POLR3B: variants seen among roughly 807,000 people sequenced by gnomAD.
POLR3B encodes DNA-directed RNA polymerase III subunit RPC2.
Under a neutral mutation model 147.4 loss-of-function variants are expected in POLR3B, and 96 were observed. That is an observed-to-expected ratio of 0.65 (90% CI 0.55 to 0.77). POLR3B has a LOEUF of 0.77. Among genes scored for constraint, POLR3B ranks in the 30% least tolerant of loss-of-function variants. The pLI, the probability that POLR3B is intolerant of heterozygous loss-of-function variation, is 0.00. For synonymous variants in POLR3B, 461 were observed against 485.9 expected (o/e 0.95, Z 0.67); for missense variants, 1,036 against 1,413.5 (o/e 0.73, Z 4.28).
chr12:106,416,110 T>C (rs549429597), intron 12 of POLR3B, among the ~76,000 whole-genome samples: 2 of 152,306 alleles, frequency 1.3e-5, no homozygotes, highest in African/African-American at 2.4e-5. Context: ...GAAGAAGTTA[T>C]ATAAAGGTGT....
At chr12:106,447,754 A>G (rs530742856) in intron 19 of POLR3B, among the ~76,000 whole-genome samples, 1 of 152,254 alleles carries the variant, frequency 6.6e-6, no homozygotes, top group Non-Finnish European at 1.5e-5. Flanking sequence ...ATTAATGAAT[A>G]TGCAGCACAG....
intron 6 of POLR3B, among the ~76,000 whole-genome samples, chr12:106,372,631 A>G (rs1474415784): frequency 5.3e-5 from 8 of 151,964 alleles, no homozygotes; most frequent in Non-Finnish European, 1.2e-4. Flanking sequence ...ACGAACTACC[A>G]TGCGTGGCCA....
chr12:106,399,999 T>C (rs2136924611), intron 10 of POLR3B, among the ~76,000 whole-genome samples: 1 of 152,348 alleles, frequency 6.6e-6, no homozygotes, highest in South Asian at 2.1e-4. Context: ...ACTTTGAATG[T>C]AAATGGGCTA....
At chr12:106,422,801 C>A (rs569800164) in intron 12 of POLR3B, among the ~76,000 whole-genome samples, 1 of 152,194 alleles carries the variant, frequency 6.6e-6, no homozygotes, top group African/African-American at 2.4e-5. Flanking sequence ...CTTAGCTTTT[C>A]CATATAAATT....
intron 10 of POLR3B, among the ~76,000 whole-genome samples, chr12:106,401,500 C>G (rs1456804771): frequency 6.6e-6 from 1 of 151,936 alleles, no homozygotes; most frequent in Non-Finnish European, 1.5e-5. Context: ...CCTGGCAGAG[C>G]CAAAACAAAA....
chr12:106,432,609 G>A, intron 15 of POLR3B, 129 bp downstream of exon 15: 1 of 807,850 alleles, frequency 1.2e-6, no homozygotes, highest in Non-Finnish European at 2.2e-6. Flanking sequence ...TCACTTAAAG[G>A]TAGAAAATAC....
chr12:106,470,324 C>T (rs2038072648), intron 23 of POLR3B, among the ~76,000 whole-genome samples: 1 of 152,124 alleles, frequency 6.6e-6, no homozygotes, highest in African/African-American at 2.4e-5. Flanking sequence ...CTCTTCTCTA[C>T]ACTGATTGTT....
At chr12:106,449,389 C>T (rs1191434470) in intron 19 of POLR3B, among the ~76,000 whole-genome samples, 3 of 152,054 alleles carry the variant, frequency 2.0e-5, no homozygotes, top group Non-Finnish European at 4.4e-5. Flanking sequence ...GCAGTTGACT[C>T]TTGAACAACA....
At chr12:106,442,616 A>G (rs561413693) in intron 18 of POLR3B, among the ~76,000 whole-genome samples, 1 of 152,256 alleles carries the variant, frequency 6.6e-6, no homozygotes, top group African/African-American at 2.4e-5. Flanking sequence ...ACATAATTTA[A>G]TACATGTGTT....
chr12:106,500,232 C>G (rs938802076), intron 25 of POLR3B: 4 of 453,274 alleles, frequency 8.8e-6, no homozygotes, highest in African/African-American at 8.0e-5. Context: ...TTTAAGACAT[C>G]AGTTCTCTGG....
intron 7 of POLR3B, among the ~76,000 whole-genome samples, chr12:106,377,106 T>A (rs2036692031): frequency 6.6e-6 from 1 of 152,218 alleles, no homozygotes. Flanking sequence ...AAATCAAGTA[T>A]CACACTTCAG....
chr12:106,358,293 G>C (rs1298523380), intron 1 of POLR3B: 15 of 1,242,798 alleles, frequency 1.2e-5, no homozygotes, highest in Non-Finnish European at 1.5e-5. Flanking sequence ...TCTTACAGAG[G>C]ACACGGGGCC....
intron 26 of POLR3B, among the ~76,000 whole-genome samples, chr12:106,503,477 A>G (rs2038634934): frequency 6.6e-6 from 1 of 152,126 alleles, no homozygotes; most frequent in South Asian, 2.1e-4. Flanking sequence ...CCATGCCTAC[A>G]TGGGGTTGCC....
chr12:106,454,791 G>T, intron 20 of POLR3B, 80 bp downstream of exon 20: 1 of 800,232 alleles, frequency 1.2e-6, no homozygotes, highest in Non-Finnish European at 2.2e-6. Context: ...AAAATCACTT[G>T]GTTAATGTCA....
At chr12:106,424,597 A>G (rs1290302639) in intron 12 of POLR3B, among the ~76,000 whole-genome samples, 2 of 152,170 alleles carry the variant, frequency 1.3e-5, no homozygotes, top group Non-Finnish European at 2.9e-5. Flanking sequence ...TCCATGGGAA[A>G]GGTGGGGTAA....
intron 10 of POLR3B, among the ~76,000 whole-genome samples, chr12:106,398,857 G>A (rs907062219): frequency 6.6e-6 from 1 of 152,058 alleles, no homozygotes; most frequent in Non-Finnish European, 1.5e-5. Context: ...AAAGACCAAA[G>A]GTAGATGAAA....
intron 19 of POLR3B, among the ~76,000 whole-genome samples, chr12:106,449,224 A>G (rs146041463): frequency 2.6e-5 from 4 of 152,224 alleles, no homozygotes; most frequent in African/African-American, 4.8e-5. Flanking sequence ...AATTTTGTAC[A>G]TGAAGCAAAG....
In POLR3B at chr12:106,384,772, A is replaced by G. The variant is rs138100674; in HGVS notation, c.723+4633A>G. Among the ~76,000 whole-genome samples the G allele has an allele frequency of 2.7e-3, 418 of 152,134 alleles. 3 individuals carry two copies. The highest frequency in any genetic ancestry group is 9.5e-3 in the African/African-American group (393 of 41,502). Reference sequence around the variant, plus strand: ...TAAGCTTGATAAGCTTTGTTCAGGCATGAGTTATAGTGCTGTTGGCTAACT... The same window carrying G: ...TAAGCTTGATAAGCTTTGTTCAGGCGTGAGTTATAGTGCTGTTGGCTAACT... On this transcript the variant is annotated intron_variant, in intron 9 of 27. Coordinates refer to ENST00000228347, the MANE Select transcript of POLR3B (RefSeq NM_018082.6).
intron 12 of POLR3B, among the ~76,000 whole-genome samples, chr12:106,414,324 G>A (rs2037272457): frequency 6.6e-6 from 1 of 151,460 alleles, no homozygotes; most frequent in Non-Finnish European, 1.5e-5. Context: ...TCTTACTCAA[G>A]ATAGATTGGT....
Sources: allele counts gnomAD v4.1 joint callset (sites outside exome capture counted in the v4.1 genomes callset), GRCh38; gene constraint gnomAD v4.1.1; transcripts MANE v1.5; gene names NCBI Gene and HGNC (gene_info 2026-07-23, HGNC 2026-07-21).